MTARC1: variants seen among roughly 807,000 people sequenced by gnomAD.
MTARC1 encodes the protein mitochondrial amidoxime-reducing component 1.
In MTARC1, 24 loss-of-function variants were observed where a neutral mutation model predicts 33.6. The ratio of observed to expected loss-of-function variants is 0.72; its 90% CI spans 0.52 to 1.01. The LOEUF (loss-of-function observed/expected upper bound fraction) is 1.01, where lower values mean the gene tolerates loss of function less well. Ranked by LOEUF, MTARC1 falls within the 50% of genes least tolerant of loss-of-function variation. MTARC1 has a pLI of 0.00. For synonymous variants in MTARC1, 187 were observed against 189.5 expected (o/e 0.99, Z 0.11); for missense variants, 417 against 445.7 (o/e 0.94, Z 0.58).
intron 2 of MTARC1, among the ~76,000 whole-genome samples, chr1:220,792,859 A>G (rs923593595): frequency 6.6e-6 from 1 of 152,170 alleles, no homozygotes; most frequent in African/African-American, 2.4e-5. Flanking sequence ...TCATGTTGGC[A>G]TAATATTTCA....
chr1:220,792,336 T>G (rs1487921269), intron 2 of MTARC1, among the ~76,000 whole-genome samples: 1 of 152,190 alleles, frequency 6.6e-6, no homozygotes, highest in East Asian at 1.9e-4. Flanking sequence ...CAAGAAGTCA[T>G]GTCTAGAGTT....
chr1:220,805,356 G>A, intron 6 of MTARC1, 82 bp downstream of exon 6: 1 of 1,479,566 alleles, frequency 6.8e-7, no homozygotes, highest in Non-Finnish European at 9.4e-7. Context: ...GTTTATAAGA[G>A]GAAGCAGTGA....
chr1:220,790,394 G>A (rs1265696296), intron 1 of MTARC1, among the ~76,000 whole-genome samples: 1 of 152,120 alleles, frequency 6.6e-6, no homozygotes. Context: ...TTTGAATGAG[G>A]GGGTCATAAA....
chr1:220,787,133 C>G lies in MTARC1; in HGVS notation c.189C>G (p.Ile63Met), dbSNP rs1273930050. The G allele has an allele frequency of 1.3e-6, 2 of 1,564,634 alleles. No homozygotes were observed. Among genetic ancestry groups the G allele is most frequent in the Non-Finnish European group, 1.7e-6 (2 of 1,156,120 alleles). Residue 63 changes from isoleucine (I) to methionine (M), a missense_variant, in exon 1 of 7, where the codon ATC becomes ATG. Physicochemically the swap from Ile to Met is conservative, Grantham distance 10 (BLOSUM62 1). Coordinates refer to ENST00000366910, the MANE Select transcript of MTARC1 (RefSeq NM_022746.4). ...TGGGCACAGTGGCGCAGCTCTGGAT[C>G]TACCCTGTGAAATCCTGCAAGGGGG... Reference protein sequence around the residue: ...QQVGTVAQLWIYPVKSCKGVP... With the variant: ...QQVGTVAQLWMYPVKSCKGVP...
rs866169761 is a variant in MTARC1, at chr1:220,787,191, G to T, written c.247G>T (p.Gly83Trp). 6.3e-7 allele frequency: 1 copy of T among 1,578,424 alleles called. No homozygotes were observed. The highest frequency in any genetic ancestry group is 2.4e-5 in the East Asian group (1 of 42,404). The change falls in exon 1 of 7, where the codon GGG (glycine) becomes TGG (tryptophan). Residue 83 changes from glycine (G) to tryptophan (W), a missense_variant. Gly to Trp is a radical substitution (Grantham distance 184, BLOSUM62 -2). Coordinates refer to ENST00000366910, the MANE Select transcript of MTARC1 (RefSeq NM_022746.4). ...PVSEAECTAM[G>W]LRSGNLRDRF... Reference sequence around the variant, plus strand: ...GAGCGAGGCGGAGTGCACGGCCATGGGGCTGCGCAGCGGCAACCTGCGGGA... The same window carrying T: ...GAGCGAGGCGGAGTGCACGGCCATGTGGCTGCGCAGCGGCAACCTGCGGGA...
At position 220,813,418 on chromosome 1, in the gene MTARC1, A is replaced by G. The variant is rs201541388; in HGVS notation, c.1014A>G (p.Ter338=). The G allele has an allele frequency of 5.2e-5, 84 of 1,614,060 alleles. No homozygotes were observed. Among genetic ancestry groups the G allele is most frequent in the Non-Finnish European group, 7.0e-5 (83 of 1,180,018 alleles). ...VGDPVYLLGQ[*] The stretch of plus-strand genomic sequence containing the variant: ...ACCCTGTGTACCTGCTGGGCCAGTA[A>G]TGGGAACCGTATGTCCTGGAATATT... Residue 338 remains the stop codon, a stop_retained_variant, in exon 7 of 7, where the codon TAA becomes TAG. Coordinates refer to ENST00000366910, the MANE Select transcript of MTARC1 (RefSeq NM_022746.4).
At chr1:220,812,145 A>G (rs1265371855) in intron 6 of MTARC1, among the ~76,000 whole-genome samples, 1 of 152,228 alleles carries the variant, frequency 6.6e-6, no homozygotes, top group Non-Finnish European at 1.5e-5. Flanking sequence ...GAGGAGGAGC[A>G]TCCCACAGGA....
chr1:220,787,005 G>T lies in MTARC1; in HGVS notation c.61G>T (p.Gly21Trp), dbSNP rs1349583940. Residue 21 changes from glycine to tryptophan, a missense_variant, in exon 1 of 7, where the codon GGG becomes TGG. Physicochemically the swap from Gly to Trp is radical, Grantham distance 184. Coordinates refer to ENST00000366910, the MANE Select transcript of MTARC1 (RefSeq NM_022746.4). ...TGTCCTCCTCGCGCAATCCCGGCCC[G>T]GGTGGCTCGGGGTTGCCGCGCTGGG... The part of the protein sequence containing the change: ...RFVLLAQSRP[G>W]WLGVAALGLT... The T allele has an allele frequency of 1.5e-6, 2 of 1,299,662 alleles. No individual in the cohort carries two copies. The highest frequency in any genetic ancestry group is 2.7e-5 in the South Asian group (1 of 37,106). The allele number at this position is 1,299,662 out of a possible 1,614,324, so 80.5% of individuals were successfully genotyped here. A position where few individuals can be genotyped will look rare whatever the true frequency, so the allele number is the denominator to read the frequency against.
At chr1:220,812,664 C>T (rs936258145) in intron 6 of MTARC1, among the ~76,000 whole-genome samples, 3 of 151,770 alleles carry the variant, frequency 2.0e-5, no homozygotes, top group African/African-American at 7.3e-5. Flanking sequence ...ATGGAGGAGA[C>T]AGGAGGAAAG....
chr1:220,801,851 C>T (rs1672816386), intron 4 of MTARC1, among the ~76,000 whole-genome samples: 1 of 152,080 alleles, frequency 6.6e-6, no homozygotes, highest in Non-Finnish European at 1.5e-5. Context: ...AGACCCACTC[C>T]TCATCTCGGA....
chr1:220,799,576 T>C (rs1199241829), intron 4 of MTARC1, among the ~76,000 whole-genome samples: 1 of 152,208 alleles, frequency 6.6e-6, no homozygotes, highest in Non-Finnish European at 1.5e-5. Context: ...GTCTCTTCTA[T>C]GCCTCACGGC....
At chr1:220,794,523 A>C (rs1458496616) in intron 2 of MTARC1, among the ~76,000 whole-genome samples, 1 of 147,724 alleles carries the variant, frequency 6.8e-6, no homozygotes, top group Non-Finnish European at 1.5e-5. Context: ...CCTGTGAATA[A>C]GAAAACGATA....
Position 220,787,284 on chromosome 1 carries a change from G to T in MTARC1, c.275+65G>T, listed in dbSNP as rs1420044196. Reference sequence around the variant, plus strand: ...TCGGGGCAAGGGGGTGAGAAGGGAGGAGCGCAGGGGAGGTCTGCAGAGTCT... The same window carrying T: ...TCGGGGCAAGGGGGTGAGAAGGGAGTAGCGCAGGGGAGGTCTGCAGAGTCT... On this transcript the variant is annotated intron_variant, in intron 1 of 6. Transcript: ENST00000366910. 3 of 1,472,282 alleles carry T rather than the reference G, an allele frequency of 2.0e-6. No individual in the cohort carries two copies. The African/African-American group carries it at 4.4e-5, about 21-fold the overall frequency. The allele number at this position is 1,472,282 out of a possible 1,614,324, so 91.2% of individuals were successfully genotyped here.
chr1:220,806,697 G>A (rs1011936815), intron 6 of MTARC1, among the ~76,000 whole-genome samples: 4 of 152,168 alleles, frequency 2.6e-5, no homozygotes, highest in Non-Finnish European at 5.9e-5. Context: ...TGTCATCCCC[G>A]CTGTCACCTC....
Position 220,790,559 on chromosome 1 carries a change from T to C in MTARC1, c.276-932T>C, listed in dbSNP as rs568497315. Reference sequence around the variant, plus strand: ...AAAGGGCAGTTACGGAAAGGGCTTATACTAAGCATATTTTTCTAGTGTAGC... The same window carrying C: ...AAAGGGCAGTTACGGAAAGGGCTTACACTAAGCATATTTTTCTAGTGTAGC... On this transcript the variant is annotated intron_variant, in intron 1 of 6. Coordinates refer to ENST00000366910, the MANE Select transcript of MTARC1 (RefSeq NM_022746.4). Among the ~76,000 whole-genome samples, 27 of 152,354 alleles carry C rather than the reference T, an allele frequency of 1.8e-4. No individual in the cohort carries two copies. In the South Asian group the frequency reaches 5.6e-3, roughly 32 times the overall value.
Position 220,813,395 on chromosome 1 carries a change from C to T in MTARC1, c.991C>T (p.Pro331Ser), listed in dbSNP as rs776958220. ...ENPGTIKVGD[P>S]VYLLGQ ...CCCAGGGACCATCAAAGTGGGAGACCCTGTGTACCTGCTGGGCCAGTAATG... is the reference window on the plus strand; with the variant it reads ...CCCAGGGACCATCAAAGTGGGAGACTCTGTGTACCTGCTGGGCCAGTAATG... Residue 331 changes from proline to serine, a missense_variant, in exon 7 of 7, where the codon CCT (proline) becomes TCT (serine). Pro to Ser is a moderately conservative substitution (Grantham distance 74, BLOSUM62 -1). Coordinates refer to ENST00000366910, the MANE Select transcript of MTARC1 (RefSeq NM_022746.4). 8 of 1,614,084 alleles carry T rather than the reference C, an allele frequency of 5.0e-6. No homozygotes were observed. The highest frequency in any genetic ancestry group is 5.9e-6 in the Non-Finnish European group (7 of 1,180,026).
At chr1:220,788,797 C>CAAAA (rs34563265) in intron 1 of MTARC1, among the ~76,000 whole-genome samples, 2 of 140,222 alleles carry the variant, frequency 1.4e-5, no homozygotes, top group East Asian at 2.1e-4. Context: ...GACTAAGTCT[C>CAAAA]AAAAAAAAAA....
chr1:220,791,989 G>A (rs1672438357), intron 2 of MTARC1, among the ~76,000 whole-genome samples: 1 of 152,078 alleles, frequency 6.6e-6, no homozygotes, highest in Non-Finnish European at 1.5e-5. Context: ...GGGAGTGGTG[G>A]GGGCGAGTGT....
intron 4 of MTARC1, among the ~76,000 whole-genome samples, chr1:220,801,013 C>T (rs1201643666): frequency 6.6e-6 from 1 of 152,186 alleles, no homozygotes; most frequent in Non-Finnish European, 1.5e-5. Context: ...GGGCTGTTCT[C>T]AGCACATCCA....
Sources: allele counts gnomAD v4.1 joint callset (sites outside exome capture counted in the v4.1 genomes callset), GRCh38; gene constraint gnomAD v4.1.1; transcripts MANE v1.5; gene names NCBI Gene and HGNC (gene_info 2026-07-23, HGNC 2026-07-21).